PIGN: variants seen among roughly 807,000 people sequenced by gnomAD.
PIGN encodes the protein phosphatidylinositol glycan anchor biosynthesis class N.
In PIGN, 117 loss-of-function variants were observed where a neutral mutation model predicts 125.4. That is an observed-to-expected ratio of 0.93 (90% CI 0.80 to 1.09). The LOEUF is 1.09. Among genes scored for constraint, PIGN ranks in the 50% least tolerant of loss-of-function variants. PIGN has a pLI of 0.00. For synonymous variants in PIGN, 392 were observed against 377.8 expected (o/e 1.04, Z -0.44); for missense variants, 1,075 against 1,094.9 (o/e 0.98, Z 0.26).
intron 14 of PIGN, among the ~76,000 whole-genome samples, chr18:62,117,552 C>T (rs2035133475): frequency 6.6e-6 from 1 of 151,776 alleles, no homozygotes; most frequent in African/African-American, 2.4e-5. Flanking sequence ...CAGCCCCCCC[C>T]TCTAAAAAGA....
At chr18:62,128,228 G>T (rs2035608279) in intron 14 of PIGN, among the ~76,000 whole-genome samples, 1 of 152,130 alleles carries the variant, frequency 6.6e-6, no homozygotes, top group Non-Finnish European at 1.5e-5. Context: ...CAAACTTGGG[G>T]AAAAGGATTT....
intron 21 of PIGN, among the ~76,000 whole-genome samples, chr18:62,101,699 T>C (rs1247545641): frequency 6.6e-6 from 1 of 152,230 alleles, no homozygotes. Flanking sequence ...TTTCAGAGTG[T>C]TCTTGGAAAT....
rs765446410 is a variant in PIGN, at chr18:62,109,951, C to T, written c.1457G>A (p.Cys486Tyr). The T allele has an allele frequency of 1.2e-6, 2 of 1,613,352 alleles. No individual in the cohort carries two copies. The highest frequency in any genetic ancestry group is 1.7e-5 in the Admixed American group (1 of 59,968). The change falls in exon 17 of 31, where the codon TGT (cysteine) becomes TAT (tyrosine). Residue 486 changes from cysteine (C) to tyrosine (Y), a missense_variant. Cys to Tyr is a radical substitution (Grantham distance 194). Transcript: ENST00000640252. ...EVKKPSHLLP[C>Y]SFVAIGILVA... ...TAAAATGCCAATAGCTACAAAACTA[C>T]AAGGCAGGAGATGGCTTGGTTTCTG...
chr18:62,124,056 GTTATGACACTAAAC>G (rs532855819), intron 14 of PIGN, among the ~76,000 whole-genome samples: 9 of 152,086 alleles, frequency 5.9e-5, no homozygotes, highest in Non-Finnish European at 1.2e-4. Flanking sequence ...TCACAAAGGT[GTTATGACACTAAAC>G]TTGTTGGCTT....
At chr18:62,131,328 T>C (rs2035729303) in intron 14 of PIGN, among the ~76,000 whole-genome samples, 1 of 152,204 alleles carries the variant, frequency 6.6e-6, no homozygotes, top group Non-Finnish European at 1.5e-5. Context: ...TTCTTCCCCC[T>C]AAGATATCTC....
intron 23 of PIGN, among the ~76,000 whole-genome samples, chr18:62,025,096 G>A (rs1205181316): frequency 6.6e-6 from 1 of 152,172 alleles, no homozygotes; most frequent in Non-Finnish European, 1.5e-5. Flanking sequence ...AGGCAAAAAT[G>A]TTATATCTCT....
At chr18:62,060,397 A>G (rs2032046157) in intron 30 of PIGN, among the ~76,000 whole-genome samples, 1 of 152,238 alleles carries the variant, frequency 6.6e-6, no homozygotes, top group African/African-American at 2.4e-5. Flanking sequence ...AATGTTGATC[A>G]TATTTCTCCT....
chr18:62,113,707 A>G, intron 15 of PIGN, among the ~76,000 whole-genome samples: 1 of 152,186 alleles, frequency 6.6e-6, no homozygotes, highest in Non-Finnish European at 1.5e-5. Flanking sequence ...ATAAAACATC[A>G]TTAAGTAGCT....
At chr18:62,186,144 G>A (rs1234422359) in intron 1 of PIGN, 1 of 150,346 alleles carries the variant, frequency 6.7e-6, no homozygotes, top group Non-Finnish European at 1.5e-5. Context: ...TTCGCCTCCG[G>A]GGTTCAAGCG....
chr18:62,028,584 T>C (rs939617752), intron 23 of PIGN, among the ~76,000 whole-genome samples: 1 of 152,204 alleles, frequency 6.6e-6, no homozygotes, highest in South Asian at 2.1e-4. Context: ...CCATTATGAT[T>C]CTAATTACTT....
intron 21 of PIGN, 57 bp from the exon 22 acceptor site, chr18:62,101,240 A>G: frequency 1.1e-6 from 1 of 934,404 alleles, no homozygotes; most frequent in Non-Finnish European, 1.7e-6. Flanking sequence ...GACTCTAACT[A>G]GCAAGAATGT....
Position 62,109,875 on chromosome 18 carries a change from A to G in PIGN, c.1533T>C (p.Tyr511=), listed in dbSNP as rs2034805244. Residue 511 remains tyrosine (Y), a synonymous_variant, in exon 17 of 31, where the codon TAT becomes TAC. Transcript: ENST00000640252. ...IQACPWTYYV[Y]GLLPLPIWYA... ...ACCATATTGGCAGTGGCAACAAACC[A>G]TATACATAATATGTCCAGGGACAGG... 49 of 1,613,028 alleles carry G rather than the reference A, an allele frequency of 3.0e-5. No individual in the cohort carries two copies. Among genetic ancestry groups the G allele is most frequent in the Non-Finnish European group, 4.0e-5 (47 of 1,179,350 alleles).
rs778736088 is a variant in PIGN, at chr18:62,157,767, GTA to G, written c.261_262del (p.Arg89CysfsTer18). 6.2e-7 allele frequency: 1 copy of G among 1,612,194 alleles called. No individual in the cohort carries two copies. On this transcript the variant is annotated frameshift_variant, in exon 5 of 31. Transcript: ENST00000640252. LOFTEE classifies it high-confidence loss of function. ...TGGCCGAGATTCTGTTGGCACACGT[GTA>G]TGAGATATGCCCCAGCTGCCTTCAT... is the stretch of plus-strand genomic sequence containing the variant.
At chr18:62,169,032 T>C (rs994848996) in intron 1 of PIGN, among the ~76,000 whole-genome samples, 1 of 152,164 alleles carries the variant, frequency 6.6e-6, no homozygotes, top group Non-Finnish European at 1.5e-5. Flanking sequence ...TTTTTGTATT[T>C]TTAGTAGAGA....
chr18:62,140,453 G>C lies in PIGN; in HGVS notation c.990C>G (p.Ser330=). The change falls in exon 12 of 31, where the codon TCC becomes TCG. Residue 330 remains serine, a synonymous_variant. Coordinates refer to ENST00000640252, the MANE Select transcript of PIGN (RefSeq NM_176787.5). ...TAAGAGGAAAGGGAACTCCAATAAG[G>C]GAAGTCATCAATGGTGCAATATCAG... ...NQADIAPLMT[S]LIGVPFPLNS... 6.4e-7 allele frequency: 1 copy of C among 1,556,578 alleles called. No individual in the cohort carries two copies. The highest frequency in any genetic ancestry group is 1.7e-4 in the Middle Eastern group (1 of 5,944).
chr18:62,090,535 C>A lies in PIGN; in HGVS notation c.2224G>T (p.Val742Phe), dbSNP rs368704155. 2.0e-5 allele frequency: 33 copies of A among 1,610,466 alleles called. No individual in the cohort carries two copies. Among genetic ancestry groups the A allele is most frequent in the African/African-American group, 2.7e-5 (2 of 74,700 alleles). The part of the protein sequence containing the change: ...FPLVLSCLMF[V>F]WINIEQETLQ... ...GTTTCTTGTTCTATGTTTATCCAGA[C>A]AAACATCAAACAAGACAACACTAGT... Residue 742 changes from valine (V) to phenylalanine (F), a missense_variant, in exon 24 of 31, where the codon GTC becomes TTC. Around this residue, in one of 3 missense-constraint regions of PIGN, gnomAD observed 915 missense variants for 908.7 expected, o/e 1.01. Transcript: ENST00000640252.
At chr18:62,039,627 C>T (rs1227048050), downstream of PIGN, among the ~76,000 whole-genome samples, 2 of 123,788 alleles carry the variant, frequency 1.6e-5, no homozygotes, top group African/African-American at 2.8e-5. Context: ...TCCAGAGTGC[C>T]GCACCCCATG....
chr18:62,100,999 T>C, intron 22 of PIGN, 76 bp downstream of exon 22: 1 of 781,150 alleles, frequency 1.3e-6, no homozygotes. Context: ...ATAACAATGA[T>C]ACAGACATAA....
At chr18:62,036,018 T>C (rs2030256454) in intron 23 of PIGN, among the ~76,000 whole-genome samples, 1 of 152,118 alleles carries the variant, frequency 6.6e-6, no homozygotes, top group South Asian at 2.1e-4. Context: ...AAATGCATTA[T>C]TCCTAGGTTG....
Sources: gnomAD v4.1 joint callset for allele counts (sites outside exome capture counted in the v4.1 genomes callset) on GRCh38, gnomAD v4.1.1 for gene constraint, gnomAD v4.1.1 regional missense constraint, MANE v1.5 for transcripts, NCBI Gene and HGNC (gene_info 2026-07-23, HGNC 2026-07-21) for gene names.